ZNF385D: variants seen among roughly 807,000 people sequenced by gnomAD.
ZNF385D encodes the protein zinc finger protein 385D, also known as zinc finger protein 659.
A neutral mutation model predicts 35.8 loss-of-function variants in ZNF385D; 15 were observed. The ratio of observed to expected loss-of-function variants is 0.42; its 90% CI spans 0.28 to 0.64. The LOEUF (loss-of-function observed/expected upper bound fraction) is 0.64, where lower values mean the gene tolerates loss of function less well. Among genes scored for constraint, ZNF385D ranks in the 30% least tolerant of loss-of-function variants. The pLI is 0.23. For synonymous variants in ZNF385D, 212 were observed against 186.8 expected, an observed-to-expected ratio of 1.13 and a Z score of -1.10; for missense variants, 474 against 494.6, an observed-to-expected ratio of 0.96 and a Z score of 0.39.
chr3:22,310,279 G>A (rs187374120), intron 2 of ZNF385D, among the ~76,000 whole-genome samples: 23 of 152,028 alleles, frequency 1.5e-4, no homozygotes, highest in Non-Finnish European at 3.1e-4. Flanking sequence ...CTACAGGTAA[G>A]ATAAAACAAA....
At chr3:22,080,846 G>A (rs1015276058) in intron 3 of ZNF385D, among the ~76,000 whole-genome samples, 12 of 151,968 alleles carry the variant, frequency 7.9e-5, no homozygotes, top group Admixed American at 1.3e-4. Context: ...CTTGCTCCAC[G>A]TGAGGACACA....
At chr3:21,870,031 A>G (rs1409628962) in intron 3 of ZNF385D, among the ~76,000 whole-genome samples, 1 of 152,154 alleles carries the variant, frequency 6.6e-6, no homozygotes, top group Non-Finnish European at 1.5e-5. Context: ...AACTTTCTCA[A>G]ATCTGCAAAA....
At chr3:22,328,462 T>C (rs1694775937) in intron 2 of ZNF385D, among the ~76,000 whole-genome samples, 1 of 152,258 alleles carries the variant, frequency 6.6e-6, no homozygotes, top group Admixed American at 6.5e-5. Context: ...TAACTTTACA[T>C]ATTTTAAAAT....
In ZNF385D at chr3:21,561,542, C is replaced by A. The variant is rs552118461; in HGVS notation, c.276+3032G>T. Among the ~76,000 whole-genome samples the A allele has an allele frequency of 5.8e-4, 89 of 152,312 alleles. 1 individual carries two copies. Among genetic ancestry groups the A allele is most frequent in the Non-Finnish European group, 1.0e-3 (70 of 68,024 alleles). On this transcript the variant is annotated intron_variant, in intron 3 of 7. Transcript: ENST00000281523. ...AGTTGGAAATGCAGAAATCACCTGCCTTCTGCGTTGATCTCACTGGGAGCT... is the reference window on the plus strand; with the variant it reads ...AGTTGGAAATGCAGAAATCACCTGCATTCTGCGTTGATCTCACTGGGAGCT...
At chr3:22,091,073 C>A (rs1034232955) in intron 3 of ZNF385D, among the ~76,000 whole-genome samples, 1 of 152,070 alleles carries the variant, frequency 6.6e-6, no homozygotes, top group Admixed American at 6.6e-5. Flanking sequence ...GGCCAAGAAG[C>A]AGAGAATATA....
intron 3 of ZNF385D, among the ~76,000 whole-genome samples, chr3:22,124,681 A>T (rs1046656837): frequency 2.6e-5 from 4 of 152,164 alleles, no homozygotes; most frequent in African/African-American, 9.6e-5. Context: ...GATGCTGATC[A>T]TATTTTCATA....
intron 2 of ZNF385D, among the ~76,000 whole-genome samples, chr3:22,334,215 T>A (rs1314769803): frequency 1.3e-5 from 2 of 152,184 alleles, no homozygotes; most frequent in African/African-American, 4.8e-5. Context: ...CTATTTGTTA[T>A]CTGTGTTACT....
intron 3 of ZNF385D, chr3:21,849,760 A>T (rs1696264975): frequency 2.0e-5 from 3 of 151,866 alleles, no homozygotes; most frequent in Non-Finnish European, 2.9e-5. Flanking sequence ...CTAATTGAAT[A>T]TTATTGAGTA....
intron 4 of ZNF385D, among the ~76,000 whole-genome samples, chr3:21,496,455 A>T (rs1705869265): frequency 8.9e-6 from 1 of 112,368 alleles, no homozygotes; most frequent in Admixed American, 1.0e-4. Flanking sequence ...CACATATTTG[A>T]TATATATATC....
intron 2 of ZNF385D, among the ~76,000 whole-genome samples, chr3:21,570,170 C>T (rs1373386872): frequency 6.6e-6 from 1 of 152,060 alleles, no homozygotes; most frequent in Non-Finnish European, 1.5e-5. Context: ...CACGCTTACC[C>T]AAACTCTAGG....
intron 3 of ZNF385D, among the ~76,000 whole-genome samples, chr3:21,950,114 T>A (rs1701993394): frequency 6.7e-6 from 1 of 149,280 alleles, no homozygotes; most frequent in Non-Finnish European, 1.5e-5. Flanking sequence ...TGGTTCTAGA[T>A]CCTTGAGGAA....
chr3:22,018,956 G>A (rs985460087), intron 3 of ZNF385D, among the ~76,000 whole-genome samples: 13 of 146,748 alleles, frequency 8.9e-5, no homozygotes, highest in African/African-American at 2.3e-4. Context: ...ACTCCTTTCC[G>A]TCTCTACCCA....
intron 2 of ZNF385D, among the ~76,000 whole-genome samples, chr3:21,592,020 T>A (rs1338082269): frequency 2.0e-5 from 3 of 152,210 alleles, no homozygotes; most frequent in Admixed American, 6.5e-5. Context: ...AGCAGTGAGA[T>A]ATGTTAGTTA....
upstream of ZNF385D, among the ~76,000 whole-genome samples, chr3:21,755,951 G>A (rs1185915648): frequency 6.6e-6 from 1 of 152,090 alleles, no homozygotes; most frequent in African/African-American, 2.4e-5. Context: ...ATCTTAAAAA[G>A]CAAACCAAGA....
At chr3:22,368,799 C>A (rs2125232065) in intron 2 of ZNF385D, among the ~76,000 whole-genome samples, 1 of 152,272 alleles carries the variant, frequency 6.6e-6, no homozygotes, top group Admixed American at 6.5e-5. Context: ...TAGGGCTCCA[C>A]AATATCAGTT....
At chr3:21,524,606 G>T (rs903946333) in intron 3 of ZNF385D, among the ~76,000 whole-genome samples, 14 of 152,040 alleles carry the variant, frequency 9.2e-5, no homozygotes, top group Non-Finnish European at 1.8e-4. Context: ...CTCAGAATTT[G>T]GTCTCTAGAG....
intron 3 of ZNF385D, among the ~76,000 whole-genome samples, chr3:22,093,740 T>C (rs891170248): frequency 6.6e-6 from 1 of 152,276 alleles, no homozygotes; most frequent in Non-Finnish European, 1.5e-5. Context: ...ATTAATAACA[T>C]TTACAATCAT....
intron 3 of ZNF385D, among the ~76,000 whole-genome samples, chr3:22,081,852 C>T (rs1222999608): frequency 1.3e-5 from 2 of 152,134 alleles, no homozygotes; most frequent in South Asian, 2.1e-4. Context: ...TATGAATTCA[C>T]TGAAATTCCT....
intron 3 of ZNF385D, among the ~76,000 whole-genome samples, chr3:22,101,639 G>C (rs2125625648): frequency 1.3e-5 from 2 of 152,100 alleles, no homozygotes; most frequent in South Asian, 4.2e-4. Context: ...GCCAACTATA[G>C]CTACTAATAG....
Sources: gnomAD v4.1 joint callset for allele counts (sites outside exome capture counted in the v4.1 genomes callset) on GRCh38, gnomAD v4.1.1 for gene constraint, MANE v1.5 for transcripts, NCBI Gene and HGNC (gene_info 2026-07-23, HGNC 2026-07-21) for gene names.